The following ADK variants were observed in gnomAD, a reference collection of about 807,000 sequenced individuals.
The protein encoded by ADK is N6,N6-dimethyladenosine kinase.
A neutral mutation model predicts 44.7 loss-of-function variants in ADK; 24 were observed. The observed-to-expected ratio is 0.54, with a 90% CI of 0.39 to 0.76. The LOEUF is 0.76. Ranked by LOEUF, ADK falls within the 30% of genes least tolerant of loss-of-function variation. ADK has a pLI of 0.00. For missense variants in ADK, 321 were observed against 425.1 expected (o/e 0.76, Z 2.15); for synonymous variants, 128 against 142.6 (o/e 0.90, Z 0.73).
chr10:74,411,514 A>G (rs914194950), intron 6 of ADK, among the ~76,000 whole-genome samples: 4 of 152,248 alleles, frequency 2.6e-5, no homozygotes, highest in Non-Finnish European at 5.9e-5. Context: ...GTAGCATTAC[A>G]TCTTTAAAAA....
chr10:74,429,268 GTGCTAATTATGAAA>G (rs1309952600), intron 6 of ADK, among the ~76,000 whole-genome samples: 1 of 152,152 alleles, frequency 6.6e-6, no homozygotes, highest in Admixed American at 6.5e-5. Flanking sequence ...AACTGATTTT[GTGCTAATTATGAAA>G]TGCATTATTG....
intron 8 of ADK, among the ~76,000 whole-genome samples, chr10:74,594,956 A>C (rs1851850800): frequency 6.6e-6 from 1 of 152,114 alleles, no homozygotes; most frequent in Non-Finnish European, 1.5e-5. Context: ...TGGGTGGATC[A>C]CCTGACATCA....
intron 10 of ADK, among the ~76,000 whole-genome samples, chr10:74,689,162 T>C (rs1855894947): frequency 6.6e-6 from 1 of 151,584 alleles, no homozygotes; most frequent in African/African-American, 2.4e-5. Flanking sequence ...GGCAGGAGAA[T>C]GGCATGAACC....
intron 1 of ADK, among the ~76,000 whole-genome samples, chr10:74,188,343 ATTTTT>A (rs765922880): frequency 2.5e-5 from 2 of 81,368 alleles, no homozygotes; most frequent in Admixed American, 3.1e-4. Flanking sequence ...TGTATTTTTA[ATTTTT>A]TTTTTTTTTT....
In ADK at chr10:74,219,982, A is replaced by G. The variant is rs1229165699; in HGVS notation, c.141-4556A>G. ...GAACTAGAAAAGCAAGAGCAAACAC[A>G]TTCAAAAGCTAGCAGAAGGCAAGAA... On this transcript the variant is annotated intron_variant, in intron 2 of 10. Coordinates refer to ENST00000539909, the MANE Select transcript of ADK (RefSeq NM_006721.4). Among the ~76,000 whole-genome samples the G allele has an allele frequency of 2.7e-5, 4 of 147,572 alleles. 1 individual carries two copies. Among genetic ancestry groups the G allele is most frequent in the East Asian group, 2.0e-4 (1 of 5,106 alleles).
chr10:74,193,316 T>G (rs1442862919), intron 1 of ADK, among the ~76,000 whole-genome samples: 1 of 152,134 alleles, frequency 6.6e-6, no homozygotes, highest in Non-Finnish European at 1.5e-5. Context: ...TTGTTACATA[T>G]GTATACATGT....
intron 1 of ADK, among the ~76,000 whole-genome samples, chr10:74,171,842 G>A (rs1307701086): frequency 6.7e-6 from 1 of 149,736 alleles, no homozygotes; most frequent in Admixed American, 6.7e-5. Context: ...GTGTGTGTGT[G>A]TATTTAGAAA....
rs1839883980 is a variant in ADK, at chr10:74,298,204, A to T, written c.195-16463A>T. 2.0e-5 allele frequency among the ~76,000 whole-genome samples: 3 copies of T among 152,312 alleles called. No homozygotes were observed. In the South Asian group the frequency reaches 6.2e-4, roughly 32 times the overall value. ...GAACATAATTCTCATAAAAATTCAA[A>T]AATTTGAAATGTAATATGTTACAAC... is the stretch of plus-strand genomic sequence containing the variant. On this transcript the variant is annotated intron_variant, in intron 3 of 10. Transcript: ENST00000539909.
At chr10:74,495,721 C>T (rs1236561632) in intron 6 of ADK, among the ~76,000 whole-genome samples, 1 of 152,124 alleles carries the variant, frequency 6.6e-6, no homozygotes, top group African/African-American at 2.4e-5. Context: ...GCCTACCTTC[C>T]CTCCATTATT....
At chr10:74,686,867 A>G (rs4746218) in intron 10 of ADK, among the ~76,000 whole-genome samples, 36,563 of 151,656 alleles carry the variant, frequency 0.24, 5,629 homozygotes, top group East Asian at 0.69. Flanking sequence ...TAGTAGAGAC[A>G]GGGTTTCACC....
intron 4 of ADK, among the ~76,000 whole-genome samples, chr10:74,315,868 A>T (rs1840599687): frequency 6.6e-6 from 1 of 152,160 alleles, no homozygotes; most frequent in African/African-American, 2.4e-5. Context: ...GAGTCTTTGT[A>T]TTGGTCAATT....
intron 6 of ADK, among the ~76,000 whole-genome samples, chr10:74,441,000 A>G (rs1395093046): frequency 6.6e-6 from 1 of 152,204 alleles, no homozygotes; most frequent in East Asian, 1.9e-4. Context: ...AACAAGAGTG[A>G]TGAGTCCTTA....
At chr10:74,483,151 C>T (rs1847133887) in intron 6 of ADK, among the ~76,000 whole-genome samples, 1 of 152,170 alleles carries the variant, frequency 6.6e-6, no homozygotes, top group Admixed American at 6.5e-5. Context: ...CAGGTGTTTC[C>T]ATACGTCCTC....
chr10:74,162,351 A>T (rs1400406171), intron 1 of ADK, among the ~76,000 whole-genome samples: 2 of 152,084 alleles, frequency 1.3e-5, no homozygotes, highest in African/African-American at 4.8e-5. Flanking sequence ...AAATGGATTC[A>T]TGTGTTGTCT....
At chr10:74,443,466 A>T (rs1845493103) in intron 6 of ADK, among the ~76,000 whole-genome samples, 1 of 152,136 alleles carries the variant, frequency 6.6e-6, no homozygotes, top group Non-Finnish European at 1.5e-5. Flanking sequence ...CTATTGTATG[A>T]TCTCATTCAT....
chr10:74,444,614 C>A (rs1845533191), intron 6 of ADK, among the ~76,000 whole-genome samples: 1 of 152,060 alleles, frequency 6.6e-6, no homozygotes, highest in South Asian at 2.1e-4. Flanking sequence ...TTCTCTCTGA[C>A]AGCTTATCTT....
At chr10:74,247,067 C>G (rs1845441444) in intron 3 of ADK, among the ~76,000 whole-genome samples, 1 of 151,828 alleles carries the variant, frequency 6.6e-6, no homozygotes, top group African/African-American at 2.4e-5. Context: ...ATGAAAGTGT[C>G]TGAGAACTTA....
At chr10:74,511,377 T>C (rs1227406343) in intron 6 of ADK, among the ~76,000 whole-genome samples, 1 of 152,188 alleles carries the variant, frequency 6.6e-6, no homozygotes, top group African/African-American at 2.4e-5. Context: ...ATTTTAGAAT[T>C]TTTTTCCATT....
intron 9 of ADK, among the ~76,000 whole-genome samples, chr10:74,624,305 C>T (rs938472013): frequency 7.3e-5 from 11 of 151,564 alleles, no homozygotes; most frequent in African/African-American, 2.7e-4. Context: ...AGCCTTGGCC[C>T]AGAAAATTTG....
Sources: gnomAD v4.1 joint callset for allele counts (sites outside exome capture counted in the v4.1 genomes callset) on GRCh38, gnomAD v4.1.1 for gene constraint, MANE v1.5 for transcripts, NCBI Gene and HGNC (gene_info 2026-07-23, HGNC 2026-07-21) for gene names.